Variants in CCDC30 observed in about 807,000 individuals in gnomAD.
CCDC30 encodes the protein coiled-coil domain-containing protein 30.
In CCDC30, 70 loss-of-function variants were observed where a neutral mutation model predicts 100.2. That is an observed-to-expected ratio of 0.70 (90% CI 0.58 to 0.85). The LOEUF is 0.85. Ranked by LOEUF, CCDC30 falls within the 40% of genes least tolerant of loss-of-function variation. The pLI, the probability that CCDC30 is intolerant of heterozygous loss-of-function variation, is 0.00. For synonymous variants in CCDC30, 233 were observed against 269.5 expected (o/e 0.86, Z 1.33); for missense variants, 652 against 771.2 (o/e 0.85, Z 1.83).
At chr1:42,496,151 G>A (rs12036547) in intron 4 of CCDC30, among the ~76,000 whole-genome samples, 18,037 of 151,104 alleles carry the variant, frequency 0.12, 1,307 homozygotes, top group East Asian at 0.27. Flanking sequence ...GTGTGTGTGT[G>A]TGTGTGTGTA....
At chr1:42,644,370 G>A (rs1425893936) in intron 13 of CCDC30, among the ~76,000 whole-genome samples, 1 of 152,104 alleles carries the variant, frequency 6.6e-6, no homozygotes, top group Non-Finnish European at 1.5e-5. Flanking sequence ...TATATTCACT[G>A]GAAGCTGATT....
At chr1:42,535,430 C>T (rs1370952592) in intron 6 of CCDC30, among the ~76,000 whole-genome samples, 1 of 151,548 alleles carries the variant, frequency 6.6e-6, no homozygotes, top group African/African-American at 2.4e-5. Flanking sequence ...ACCAGTAGAA[C>T]AGGACTGGGA....
At position 42,563,631 on chromosome 1, in the gene CCDC30, A is replaced by G. The variant is rs139496111; in HGVS notation, c.457-2665A>G. On this transcript the variant is annotated intron_variant, in intron 6 of 16. Coordinates refer to ENST00000668663, the Ensembl canonical transcript of CCDC30. ...CGCGCTGGCTCACGCCTGTAATCCCAGCACTTTGGGAGGCCAAGGCGGGTG... is the reference window on the plus strand; with the variant it reads ...CGCGCTGGCTCACGCCTGTAATCCCGGCACTTTGGGAGGCCAAGGCGGGTG... Among the ~76,000 whole-genome samples the G allele has an allele frequency of 6.2e-3, 949 of 152,326 alleles. 6 individuals are homozygous for G. Among genetic ancestry groups the G allele is most frequent in the African/African-American group, 0.021 (886 of 41,572 alleles).
At chr1:42,456,657 G>A in the CCDC30 span, 4 of 1,599,096 alleles carry the variant, frequency 2.5e-6, no homozygotes, top group Non-Finnish European at 3.4e-6. Context: ...GCCAGGCTGG[G>A]CGCGCAGGGC....
Position 42,573,120 on chromosome 1 carries a change from G to C in CCDC30, c.637-3900G>C, listed in dbSNP as rs1263069679. On this transcript the variant is annotated intron_variant, in intron 7 of 16. Coordinates refer to ENST00000668663, the Ensembl canonical transcript of CCDC30. The stretch of plus-strand genomic sequence containing the variant: ...GGTTCCTATATAAGTTTTATAATCA[G>C]TTTGTTAAGCTACACACAAATACTC... 3.3e-5 allele frequency among the ~76,000 whole-genome samples: 5 copies of C among 152,094 alleles called. No individual in the cohort carries two copies. In the East Asian group the frequency reaches 7.7e-4, roughly 23 times the overall value.
chr1:42,594,745 G>T (rs1216862354), intron 10 of CCDC30: 1 of 151,800 alleles, frequency 6.6e-6, no homozygotes, highest in Non-Finnish European at 1.5e-5. Context: ...AAATAAAAAA[G>T]AAATGAAAAT....
At chr1:42,521,729 CTTA>C (rs1266946960) in intron 6 of CCDC30, among the ~76,000 whole-genome samples, 2 of 151,656 alleles carry the variant, frequency 1.3e-5, no homozygotes, top group Non-Finnish European at 2.9e-5. Flanking sequence ...TTTTGATGGT[CTTA>C]TTATTTGCCA....
chr1:42,549,768 C>T lies in CCDC30; in HGVS notation c.457-16528C>T, dbSNP rs551695748. Among the ~76,000 whole-genome samples the T allele has an allele frequency of 3.3e-5, 5 of 152,230 alleles. No homozygotes were observed. The South Asian group carries it at 6.2e-4, about 19-fold the overall frequency. On this transcript the variant is annotated intron_variant, in intron 6 of 16. Transcript: ENST00000668663. ...AATTGCACTATCTTGCAACTGAATC[C>T]GAAGTTGGAATTCCAATAGCAGCCC...
intron 3 of CCDC30, among the ~76,000 whole-genome samples, chr1:42,488,429 T>C (rs1644086023): frequency 6.6e-6 from 1 of 152,114 alleles, no homozygotes; most frequent in South Asian, 2.1e-4. Context: ...CCCTCCTGCC[T>C]CAGTCTCATG....
chr1:42,555,139 A>G (rs1427019502), intron 6 of CCDC30, among the ~76,000 whole-genome samples: 1 of 152,184 alleles, frequency 6.6e-6, no homozygotes, highest in African/African-American at 2.4e-5. Flanking sequence ...TATTTATTAC[A>G]TGGATTATTA....
chr1:42,560,721 AAAG>A lies in CCDC30; in HGVS notation c.457-5568_457-5566del, dbSNP rs990610772. Among the ~76,000 whole-genome samples the A allele has an allele frequency of 3.9e-4, 60 of 152,150 alleles. 1 individual carries two copies. The highest frequency in any genetic ancestry group is 2.9e-5 in the Non-Finnish European group (2 of 68,028). ...AAAATAGACCACTAGCTAGACTAAT[AAAG>A]AAGAAGGGAGATAAGCATCAAATAG... On this transcript the variant is annotated intron_variant, in intron 6 of 16. Coordinates refer to ENST00000668663, the Ensembl canonical transcript of CCDC30.
chr1:42,526,598 G>C (rs1557826400), intron 6 of CCDC30, among the ~76,000 whole-genome samples: 2 of 151,930 alleles, frequency 1.3e-5, no homozygotes. Context: ...CAAGGTTTTT[G>C]TCCTCTGTAT....
intron 6 of CCDC30, among the ~76,000 whole-genome samples, chr1:42,514,816 G>A (rs2148495581): frequency 6.6e-6 from 1 of 152,142 alleles, no homozygotes; most frequent in East Asian, 1.9e-4. Flanking sequence ...ATCATACCCA[G>A]CTAATTTTTG....
chr1:42,576,898 C>CA, intron 7 of CCDC30, 122 bp from the exon 12 acceptor site: 1 of 679,782 alleles, frequency 1.5e-6, no homozygotes, highest in Admixed American at 2.8e-5. Context: ...AAGAGGTACT[C>CA]AGCCATGTGA....
At chr1:42,563,841 C>A (rs1645548766) in intron 6 of CCDC30, among the ~76,000 whole-genome samples, 1 of 151,430 alleles carries the variant, frequency 6.6e-6, no homozygotes, top group Non-Finnish European at 1.5e-5. Flanking sequence ...CGCACCACTG[C>A]ACTCCAGCCT....
chr1:42,586,227 G>C (rs1646066185), intron 9 of CCDC30, among the ~76,000 whole-genome samples: 1 of 152,206 alleles, frequency 6.6e-6, no homozygotes, highest in Non-Finnish European at 1.5e-5. Context: ...AAGAAAATGA[G>C]GTTAGGGACA....
rs375403808 is a variant in CCDC30 at position 42,506,014 on chromosome 1, T to C, written c.456+7098T>C. Among the ~76,000 whole-genome samples, 123 of 152,356 alleles carry C rather than the reference T, an allele frequency of 8.1e-4. No individual in the cohort carries two copies. The South Asian group carries it at 0.024, about 29-fold the overall frequency. On this transcript the variant is annotated intron_variant, in intron 6 of 16. Coordinates refer to ENST00000668663, the Ensembl canonical transcript of CCDC30. ...CTTATTGTACTGATGCAAATAACTATATTGCCATAAGTTAAGAATACGTTT... is the reference window on the plus strand; with the variant it reads ...CTTATTGTACTGATGCAAATAACTACATTGCCATAAGTTAAGAATACGTTT...
At chr1:42,456,785 C>T in the CCDC30 span, 1 of 1,613,060 alleles carries the variant, frequency 6.2e-7, no homozygotes, top group Non-Finnish European at 8.5e-7. Context: ...CGAGGCCTTC[C>T]TAGCCGCCGG....
intron 6 of CCDC30, among the ~76,000 whole-genome samples, chr1:42,541,261 G>A (rs1281922920): frequency 6.6e-6 from 1 of 152,152 alleles, no homozygotes; most frequent in East Asian, 1.9e-4. Context: ...GAGAGTGCAA[G>A]CTTTTTCCTG....
Sources: gnomAD v4.1 joint callset for allele counts (sites outside exome capture counted in the v4.1 genomes callset) on GRCh38, gnomAD v4.1.1 for gene constraint, MANE v1.5 for transcripts, NCBI Gene and HGNC (gene_info 2026-07-23, HGNC 2026-07-21) for gene names.